Variants in EPB41L3 observed in about 807,000 individuals in gnomAD.
EPB41L3 encodes the protein erythrocyte membrane protein band 4.1 like 3, also known as band 4.1-like protein 3.
Under a neutral mutation model 127.1 loss-of-function variants are expected in EPB41L3, and 57 were observed. The observed-to-expected ratio is 0.45, with a 90% CI of 0.36 to 0.56. The LOEUF (loss-of-function observed/expected upper bound fraction) is 0.56, where lower values mean the gene tolerates loss of function less well. Among genes scored for constraint, EPB41L3 ranks in the 20% least tolerant of loss-of-function variants. The pLI, the probability that EPB41L3 is intolerant of heterozygous loss-of-function variation, is 0.00. For synonymous variants in EPB41L3, 572 were observed against 549.5 expected (o/e 1.04, Z -0.57); for missense variants, 1,273 against 1,372.2 (o/e 0.93, Z 1.14).
intron 3 of EPB41L3, among the ~76,000 whole-genome samples, chr18:5,558,093 C>G (rs1266855365): frequency 6.6e-6 from 1 of 152,206 alleles, no homozygotes. Flanking sequence ...ACTTACGTTT[C>G]AGGAAACCTG....
In EPB41L3 at chr18:5,579,175, T is replaced by G. The variant is rs568274575; in HGVS notation, c.-306+33165A>C. Among the ~76,000 whole-genome samples, 4 of 152,344 alleles carry G rather than the reference T, an allele frequency of 2.6e-5. No homozygotes were observed. In the East Asian group the frequency reaches 7.7e-4, roughly 29 times the overall value. On this transcript the variant is annotated intron_variant, in intron 3 of 21. Coordinates refer to the EPB41L3 transcript ENST00000545076. ...ACAACAAGATGTCCTTTTTAAAAAC[T>G]TAAACACAATTAAAATTTAAAATTT...
At chr18:5,544,670 C>G (rs1424146070), upstream of EPB41L3, among the ~76,000 whole-genome samples, 1 of 151,970 alleles carries the variant, frequency 6.6e-6, no homozygotes, top group African/African-American at 2.4e-5. Context: ...ACCGACTAAC[C>G]AAGATATTTA....
chr18:5,619,121 A>G (rs1017658123), intron 1 of EPB41L3, among the ~76,000 whole-genome samples: 5 of 151,670 alleles, frequency 3.3e-5, no homozygotes, highest in African/African-American at 1.2e-4. Flanking sequence ...TACAAGGACA[A>G]CTCCACAAGA....
chr18:5,548,349 A>G (rs945894148), upstream of EPB41L3, among the ~76,000 whole-genome samples: 7 of 152,204 alleles, frequency 4.6e-5, no homozygotes, highest in South Asian at 2.1e-4. Context: ...GAGTTTGTAT[A>G]CCCCATTTCA....
intron 14 of EPB41L3, among the ~76,000 whole-genome samples, chr18:5,410,229 A>C (rs1022938874): frequency 2.9e-4 from 44 of 152,210 alleles, no homozygotes; most frequent in Non-Finnish European, 5.7e-4. Context: ...AAAAAAAAAA[A>C]AATGTATTAT....
At chr18:5,600,895 A>T (rs538481763) in intron 3 of EPB41L3, among the ~76,000 whole-genome samples, 4 of 152,284 alleles carry the variant, frequency 2.6e-5, no homozygotes, top group Admixed American at 2.6e-4. Context: ...TGGAAGATAA[A>T]ATCTTCTCTG....
intron 1 of EPB41L3, among the ~76,000 whole-genome samples, chr18:5,615,675 C>T (rs2094786396): frequency 6.6e-6 from 1 of 152,208 alleles, no homozygotes; most frequent in African/African-American, 2.4e-5. Flanking sequence ...AGTAGGCCCT[C>T]AGTAAATGGT....
chr18:5,505,590 C>T (rs1328536155), intron 1 of EPB41L3, among the ~76,000 whole-genome samples: 2 of 149,190 alleles, frequency 1.3e-5, no homozygotes, highest in Non-Finnish European at 3.0e-5. Flanking sequence ...TCACCTCCAC[C>T]CCTACTCTCC....
intron 3 of EPB41L3, among the ~76,000 whole-genome samples, chr18:5,594,223 C>A (rs2094515348): frequency 6.6e-6 from 1 of 152,162 alleles, no homozygotes; most frequent in Non-Finnish European, 1.5e-5. Context: ...TAATAAATGT[C>A]CATGAAATCT....
chr18:5,445,965 G>T (rs994495572), intron 3 of EPB41L3, among the ~76,000 whole-genome samples: 2 of 152,280 alleles, frequency 1.3e-5, no homozygotes, highest in Non-Finnish European at 2.9e-5. Flanking sequence ...GGTCTTCCAT[G>T]AAACTGGTCC....
Position 5,445,139 on chromosome 18 carries a change from C to T in EPB41L3, c.486+1G>A. 6.2e-7 allele frequency: 1 copy of T among 1,612,938 alleles called. No individual in the cohort carries two copies. Among genetic ancestry groups the T allele is most frequent in the Non-Finnish European group, 8.5e-7 (1 of 1,179,052 alleles). On this transcript the variant is annotated splice_donor_variant, in intron 4 of 22. Coordinates refer to ENST00000341928, the MANE Select transcript of EPB41L3 (RefSeq NM_012307.5). LOFTEE classifies it high-confidence loss of function. Reference sequence around the variant, plus strand: ...ATTTTGCATTGCTTTTGATCACTCACCTTCTGGTTTTCAGCATCTCGATAC... The same window carrying T: ...ATTTTGCATTGCTTTTGATCACTCATCTTCTGGTTTTCAGCATCTCGATAC...
At chr18:5,596,863 A>T (rs2094541725) in intron 3 of EPB41L3, among the ~76,000 whole-genome samples, 1 of 152,182 alleles carries the variant, frequency 6.6e-6, no homozygotes, top group Admixed American at 6.5e-5. Flanking sequence ...CCTTTTAAAT[A>T]TATTTTAAAA....
chr18:5,434,275 C>A (rs1380921583), intron 6 of EPB41L3, among the ~76,000 whole-genome samples, 154 bp from the exon 7 acceptor site: 1 of 152,150 alleles, frequency 6.6e-6, no homozygotes, highest in African/African-American at 2.4e-5. Flanking sequence ...ATATTTACTT[C>A]ATACATACTT....
intron 1 of EPB41L3, among the ~76,000 whole-genome samples, chr18:5,490,097 A>AT (rs572671530): frequency 6.6e-6 from 1 of 152,134 alleles, no homozygotes; most frequent in African/African-American, 2.4e-5. Flanking sequence ...TTGCTATTAC[A>AT]TTTTTTTCTC....
rs1345921396 is a variant in EPB41L3 at position 5,609,808 on chromosome 18, ATG to A, written c.-306+2530_-306+2531del. On this transcript the variant is annotated intron_variant, in intron 3 of 21. Transcript: ENST00000545076. ...GTCTTAGAAAACACAGTGTCAAGAC[ATG>A]TGGGATATCTTCAAGTTGCTTTGTC... Among the ~76,000 whole-genome samples the A allele has an allele frequency of 1.6e-4, 7 of 42,482 alleles. No individual in the cohort carries two copies. In the East Asian group the frequency reaches 0.12, roughly 759 times the overall value. The allele number at this position is 42,482 out of a possible 152,430, so 27.9% of individuals were successfully genotyped here. A position where few individuals can be genotyped will look rare whatever the true frequency, so the allele number is the denominator to read the frequency against.
At chr18:5,510,767 T>G (rs1036446398) in intron 1 of EPB41L3, among the ~76,000 whole-genome samples, 2 of 152,202 alleles carry the variant, frequency 1.3e-5, no homozygotes, top group African/African-American at 4.8e-5. Context: ...TTCGCATATT[T>G]CTTCAGCATA....
At chr18:5,401,053 T>A in intron 16 of EPB41L3, 1 of 1,525,922 alleles carries the variant, frequency 6.6e-7, no homozygotes, top group East Asian at 2.5e-5. Context: ...TCTGTTTGAA[T>A]AAAGGGGGTT....
At chr18:5,448,601 A>G (rs1361417532) in intron 3 of EPB41L3, among the ~76,000 whole-genome samples, 1 of 152,212 alleles carries the variant, frequency 6.6e-6, no homozygotes, top group Non-Finnish European at 1.5e-5. Context: ...AGAACTGAGT[A>G]TATTTTTTAA....
In EPB41L3 at chr18:5,442,855, G is replaced by A. The variant is rs187660360; in HGVS notation, c.529+983C>T. Among the ~76,000 whole-genome samples, 32 of 152,194 alleles carry A rather than the reference G, an allele frequency of 2.1e-4. 2 individuals are homozygous for A. The highest frequency in any genetic ancestry group is 2.1e-3 in the South Asian group (10 of 4,820). ...GAGTAATTACTATTAAAACCTTCCT[G>A]CCTTCCAAAAGTTTTCCATGCATCT... On this transcript the variant is annotated intron_variant, in intron 5 of 22. Transcript: ENST00000341928.
Sources: allele counts gnomAD v4.1 joint callset (sites outside exome capture counted in the v4.1 genomes callset), GRCh38; gene constraint gnomAD v4.1.1; transcripts MANE v1.5; gene names NCBI Gene and HGNC (gene_info 2026-07-23, HGNC 2026-07-21).